The following SIK2 variants were observed in gnomAD, a reference collection of about 807,000 sequenced individuals.
The protein encoded by SIK2 is salt inducible kinase 2.
SIK2 carries 29 observed loss-of-function variants against 103.2 expected under a neutral mutation model. That is an observed-to-expected ratio of 0.28 (90% CI 0.21 to 0.38). The LOEUF (loss-of-function observed/expected upper bound fraction) is 0.38, where lower values mean the gene tolerates loss of function less well. SIK2 is among the 10% of genes least tolerant of loss of function. SIK2 has a pLI of 1.00. For synonymous variants in SIK2, 412 were observed against 446.1 expected, an observed-to-expected ratio of 0.92 and a Z score of 0.96; for missense variants, 879 against 1,171.0, an observed-to-expected ratio of 0.75 and a Z score of 3.64.
At chr11:111,677,586 ATTT>A (rs11384906) in intron 3 of SIK2, among the ~76,000 whole-genome samples, 1 of 110,942 alleles carries the variant, frequency 9.0e-6, no homozygotes, top group Non-Finnish European at 1.7e-5. Context: ...CCCAGCTAAA[ATTT>A]TTTTTTTTTT....
chr11:111,655,795 G>T (rs1054514698), intron 3 of SIK2, among the ~76,000 whole-genome samples: 1 of 152,064 alleles, frequency 6.6e-6, no homozygotes, highest in East Asian at 1.9e-4. Context: ...ACTCTGTGGG[G>T]GCAAAGAATG....
intron 3 of SIK2, among the ~76,000 whole-genome samples, chr11:111,677,341 CATCTT>C (rs1474448756): frequency 6.6e-6 from 1 of 152,164 alleles, no homozygotes; most frequent in East Asian, 1.9e-4. Flanking sequence ...GACAGTATCT[CATCTT>C]GTCTGTAAGC....
At chr11:111,636,333 G>A (rs1339180709) in intron 3 of SIK2, among the ~76,000 whole-genome samples, 1 of 152,108 alleles carries the variant, frequency 6.6e-6, no homozygotes, top group Non-Finnish European at 1.5e-5. Flanking sequence ...TCTCATATGT[G>A]AATAGTCTAA....
At chr11:111,689,984 G>T (rs1306818767) in intron 4 of SIK2, among the ~76,000 whole-genome samples, 8 of 148,660 alleles carry the variant, frequency 5.4e-5, no homozygotes, top group African/African-American at 2.0e-4. Context: ...GTGTGTATGT[G>T]TATATATATA....
At chr11:111,675,501 GTT>G (rs1356930430) in intron 3 of SIK2, among the ~76,000 whole-genome samples, 1 of 152,128 alleles carries the variant, frequency 6.6e-6, no homozygotes, top group Non-Finnish European at 1.5e-5. Context: ...CCCTTTCACT[GTT>G]TTCTTTCTTT....
rs987687750 is a variant in SIK2 at position 111,722,817 on chromosome 11, A to C, written c.2147+61A>C. The C allele has an allele frequency of 6.1e-6, 9 of 1,467,678 alleles. No homozygotes were observed. The highest frequency in any genetic ancestry group is 8.5e-6 in the Non-Finnish European group (9 of 1,053,748). 90.9% of individuals were successfully genotyped at this position (1,467,678 alleles called of 1,614,324 possible). On this transcript the variant is annotated intron_variant, in intron 14 of 14. Transcript: ENST00000304987. The surrounding 1 kb of genome is among the most constrained non-coding windows in gnomAD (Gnocchi z 4.4). The stretch of plus-strand genomic sequence containing the variant: ...TTTTCTGGAAGCCTTGAGAACACTG[A>C]ATGTGTTGTCCTTTTCCTCTCACAT...
intron 3 of SIK2, among the ~76,000 whole-genome samples, chr11:111,650,697 AT>A (rs1319749514): frequency 6.6e-6 from 1 of 152,110 alleles, no homozygotes; most frequent in Non-Finnish European, 1.5e-5. Context: ...TGAATTGATT[AT>A]GTTGCTTGTT....
chr11:111,708,542 A>AT (rs754492401), intron 8 of SIK2, among the ~76,000 whole-genome samples: 14 of 151,982 alleles, frequency 9.2e-5, no homozygotes, highest in Non-Finnish European at 1.8e-4. Context: ...AATACGTCAT[A>AT]TTTTTTTCTC....
intron 3 of SIK2, among the ~76,000 whole-genome samples, chr11:111,680,408 GT>G (rs893767975): frequency 2.0e-5 from 3 of 151,052 alleles, no homozygotes; most frequent in Non-Finnish European, 3.0e-5. Context: ...ATTTAATTGA[GT>G]TTTTTTTTAA....
chr11:111,719,181 T>A (rs571720735), intron 9 of SIK2, among the ~76,000 whole-genome samples: 2 of 152,212 alleles, frequency 1.3e-5, no homozygotes, highest in Admixed American at 6.5e-5. Context: ...TTTTCAATCC[T>A]TTTTGTGGTA....
At chr11:111,622,462 G>A (rs1565313564) in intron 3 of SIK2, among the ~76,000 whole-genome samples, 1 of 151,698 alleles carries the variant, frequency 6.6e-6, no homozygotes, top group African/African-American at 2.4e-5. Context: ...CACCGTGTTA[G>A]CCAGGATGGT....
Position 111,620,389 on chromosome 11 carries a change from T to C in SIK2, c.303T>C (p.Asn101=), listed in dbSNP as rs1275546441. 1 of 1,589,898 alleles carries C rather than the reference T, an allele frequency of 6.3e-7. No homozygotes were observed. The highest frequency in any genetic ancestry group is 8.5e-7 in the Non-Finnish European group (1 of 1,170,496). ...ACCTTGTGACAGAATATGCCAAAAA[T>C]GGAGAAATTTTTGGTAAGCTTTTTC... ...MLYLVTEYAK[N]GEIFDYLANH... is the part of the protein sequence containing the mutation. Residue 101 remains asparagine (N), a synonymous_variant, in exon 3 of 15, where the codon AAT becomes AAC. Coordinates refer to ENST00000304987, the MANE Select transcript of SIK2 (RefSeq NM_015191.3).
chr11:111,664,231 G>A (rs1198904011), intron 3 of SIK2, among the ~76,000 whole-genome samples: 1 of 152,098 alleles, frequency 6.6e-6, no homozygotes, highest in East Asian at 1.9e-4. Context: ...CAGAGTTTTG[G>A]GGGGCAAATC....
At chr11:111,707,065 T>G (rs1943369334) in intron 8 of SIK2, among the ~76,000 whole-genome samples, 1 of 152,008 alleles carries the variant, frequency 6.6e-6, no homozygotes, top group Admixed American at 6.6e-5. Flanking sequence ...TTGGAAATCT[T>G]CGAAGTTGAA....
chr11:111,617,874 A>ACC (rs1463431089), intron 2 of SIK2, among the ~76,000 whole-genome samples: 1 of 151,890 alleles, frequency 6.6e-6, no homozygotes, highest in East Asian at 1.9e-4. Context: ...ACACACACAC[A>ACC]CACACATATA....
chr11:111,683,024 A>G (rs1236138154), intron 3 of SIK2: 2 of 152,264 alleles, frequency 1.3e-5, no homozygotes, highest in Non-Finnish European at 2.9e-5. Flanking sequence ...ACATAAAATT[A>G]TATTTCACTT....
intron 2 of SIK2, among the ~76,000 whole-genome samples, chr11:111,617,209 T>C (rs948539882): frequency 6.6e-6 from 1 of 152,190 alleles, no homozygotes; most frequent in Non-Finnish European, 1.5e-5. Flanking sequence ...CCTGGCTATA[T>C]TGCATAGTGG....
intron 3 of SIK2, among the ~76,000 whole-genome samples, chr11:111,656,875 G>A (rs1221274027): frequency 6.6e-6 from 1 of 152,130 alleles, no homozygotes; most frequent in Admixed American, 6.5e-5. Context: ...TCCCTTGAGA[G>A]ATAAATAGAA....
At chr11:111,660,187 G>A (rs1325970353) in intron 3 of SIK2, among the ~76,000 whole-genome samples, 1 of 152,134 alleles carries the variant, frequency 6.6e-6, no homozygotes, top group Non-Finnish European at 1.5e-5. Flanking sequence ...TGGCCAGGGG[G>A]AAGGATTGCC....
Sources: gnomAD v4.1 joint callset for allele counts (sites outside exome capture counted in the v4.1 genomes callset) on GRCh38, gnomAD v4.1.1 for gene constraint, Gnocchi (gnomAD v3.1) non-coding constraint, MANE v1.5 for transcripts, NCBI Gene and HGNC (gene_info 2026-07-23, HGNC 2026-07-21) for gene names.